Variants in RAB44 observed in about 807,000 individuals in gnomAD.
The protein encoded by RAB44 is RAB44, member RAS oncogene family, also known as ras-related protein Rab-44.
A neutral mutation model predicts 93.3 loss-of-function variants in RAB44; 67 were observed. The observed-to-expected ratio is 0.72, with a 90% confidence interval of 0.59 to 0.88. The LOEUF is 0.88. Ranked by LOEUF, RAB44 falls within the 40% of genes least tolerant of loss-of-function variation. RAB44 has a pLI of 0.00. For missense variants in RAB44, 1,064 were observed against 1,261.7 expected (o/e 0.84, Z 2.37); for synonymous variants, 427 against 520.3 (o/e 0.82, Z 2.44).
Position 36,722,334 on chromosome 6 carries a change from C to A in RAB44, c.2200C>A (p.Pro734Thr), listed in dbSNP as rs537050099. The A allele has an allele frequency of 3.0e-6, 4 of 1,343,446 alleles. No homozygotes were observed. Among genetic ancestry groups the A allele is most frequent in the South Asian group, 2.2e-5 (1 of 44,574 alleles). The allele number at this position is 1,343,446 out of a possible 1,614,324, so 83.2% of individuals were successfully genotyped here. ...TPQAQVEAEG[P>T]TPGKSAPPRG... ...ACAGGCTCAGGTGGAAGCAGAAGGC[C>A]CCACTCCTGGAAAATCGGCACCTCC... The change falls in exon 9 of 14, where the codon CCC becomes ACC. Residue 734 changes from proline (P) to threonine (T), a missense_variant. Coordinates refer to ENST00000612677, the MANE Select transcript of RAB44 (RefSeq NM_001257357.2).
chr6:36,704,949 G>A (rs908800948), intron 2 of RAB44, among the ~76,000 whole-genome samples: 7 of 151,838 alleles, frequency 4.6e-5, no homozygotes, highest in African/African-American at 1.5e-4. Context: ...GTGAAACCCC[G>A]TCTCTACTAA....
At chr6:36,708,223 A>G (rs1762696323) in intron 2 of RAB44, among the ~76,000 whole-genome samples, 2 of 152,216 alleles carry the variant, frequency 1.3e-5, no homozygotes, top group South Asian at 2.1e-4. Context: ...AGAAAGAAAA[A>G]AAAAAAAGAA....
intron 2 of RAB44, among the ~76,000 whole-genome samples, chr6:36,706,865 T>TACAG (rs113527674): frequency 0.086 from 13,118 of 152,048 alleles, 1,558 homozygotes; most frequent in African/African-American, 0.27. Flanking sequence ...TAGCTGGGAC[T>TACAG]ACAGGCCTGC....
At chr6:36,700,323 T>A (rs992288749) in intron 1 of RAB44, among the ~76,000 whole-genome samples, 1 of 152,214 alleles carries the variant, frequency 6.6e-6, no homozygotes, top group Non-Finnish European at 1.5e-5. Context: ...CTGTCTGACT[T>A]CACAGCAATG....
At chr6:36,702,952 G>A (rs532472138) in intron 1 of RAB44, among the ~76,000 whole-genome samples, 66 of 152,332 alleles carry the variant, frequency 4.3e-4, no homozygotes, top group Non-Finnish European at 8.1e-4. Flanking sequence ...GGAGCAGTAT[G>A]GACCTAGATA....
rs76705344 is a variant in RAB44, at chr6:36,715,360, G to A, written c.320-119G>A. On this transcript the variant is annotated intron_variant, in intron 3 of 13. Coordinates refer to ENST00000612677, the MANE Select transcript of RAB44 (RefSeq NM_001257357.2). ...GAGAAATATGTGAATGTAGCCTTGT[G>A]TAAATGTGACTGGCACAGGTAGAAT... 7,552 of 881,222 alleles carry A rather than the reference G, an allele frequency of 8.6e-3. 289 individuals are homozygous for A. The African/African-American group carries it at 0.095, about 11-fold the overall frequency. 54.6% of individuals were successfully genotyped at this position (881,222 alleles called of 1,614,324 possible).
intron 3 of RAB44, among the ~76,000 whole-genome samples, chr6:36,714,324 G>T (rs536234825): frequency 2.0e-5 from 3 of 152,158 alleles, no homozygotes; most frequent in African/African-American, 7.2e-5. Flanking sequence ...ACTGGGCAGG[G>T]CTGCCCCAGC....
chr6:36,701,013 C>A (rs1269461466), intron 1 of RAB44, among the ~76,000 whole-genome samples: 1 of 152,184 alleles, frequency 6.6e-6, no homozygotes, highest in South Asian at 2.1e-4. Context: ...TGAGAGATAC[C>A]GCGTGAAGGC....
chr6:36,702,339 A>AGAGAGAGAGAG (rs1554187154), intron 1 of RAB44, among the ~76,000 whole-genome samples: 8 of 32,082 alleles, frequency 2.5e-4, no homozygotes, highest in African/African-American at 9.0e-4. Flanking sequence ...AGAGAGAGAG[A>AGAGAGAGAGAG]ATGTACTTCT....
intron 9 of RAB44, 50 bp downstream of exon 9, chr6:36,722,783 A>G: frequency 1.9e-6 from 3 of 1,544,880 alleles, no homozygotes; most frequent in South Asian, 1.2e-5. Flanking sequence ...CGCAGGGGCC[A>G]GGGCCAACGA....
Position 36,721,253 on chromosome 6 carries a change from A to C in RAB44, c.1119A>C (p.Leu373=), listed in dbSNP as rs236478. ...LFGDNDDWDQ[L]LSNFGSPPHG... is the part of the protein sequence containing the mutation. Reference sequence around the variant, plus strand: ...GGGACAACGATGACTGGGACCAGCTACTGAGCAACTTTGGCAGCCCTCCGC... The same window carrying C: ...GGGACAACGATGACTGGGACCAGCTCCTGAGCAACTTTGGCAGCCCTCCGC... Residue 373 remains leucine, a synonymous_variant, in exon 9 of 14, where the codon CTA becomes CTC. Transcript: ENST00000612677. 971,901 of 1,234,230 alleles carry C rather than the reference A, an allele frequency of 0.79. 383,500 individuals carry two copies. The highest frequency in any genetic ancestry group is 0.8 in the Non-Finnish European group (788,307 of 988,242). 76.5% of individuals were successfully genotyped at this position (1,234,230 alleles called of 1,614,324 possible). A position where few individuals can be genotyped will look rare whatever the true frequency, so the allele number is the denominator to read the frequency against.
Position 36,727,691 on chromosome 6 carries a change from G to A in RAB44, c.2796G>A (p.Gln932=). 6.5e-7 allele frequency: 1 copy of A among 1,547,916 alleles called. No individual in the cohort carries two copies. Among genetic ancestry groups the A allele is most frequent in the Non-Finnish European group, 8.7e-7 (1 of 1,144,574 alleles). ...AHVRYWLDCL[Q]DAGSDGVVIL... ...TGCGCTACTGGCTAGACTGTCTCCA[G>A]GTGAGCAGATGGCTGCTGGGGTTGG... The change falls in exon 11 of 14, where the codon CAG becomes CAA. Residue 932 remains glutamine (Q), a splice_region_variant and synonymous_variant. Coordinates refer to ENST00000612677, the MANE Select transcript of RAB44 (RefSeq NM_001257357.2).
At chr6:36,729,728 C>T (rs1348706280) in intron 12 of RAB44, among the ~76,000 whole-genome samples, 2 of 152,168 alleles carry the variant, frequency 1.3e-5, no homozygotes, top group Non-Finnish European at 2.9e-5. Context: ...AGGGATCTGC[C>T]TACCTCGGGC....
intron 2 of RAB44, among the ~76,000 whole-genome samples, chr6:36,706,643 T>C (rs1403996267): frequency 1.3e-5 from 2 of 152,222 alleles, no homozygotes; most frequent in East Asian, 3.8e-4. Flanking sequence ...TATCCAATTA[T>C]ATCTTGATAA....
chr6:36,710,404 T>C (rs1158067497), intron 2 of RAB44, among the ~76,000 whole-genome samples: 1 of 152,220 alleles, frequency 6.6e-6, no homozygotes, highest in Non-Finnish European at 1.5e-5. Flanking sequence ...CAAATGATAT[T>C]CCGTTGTACA....
intron 9 of RAB44, 59 bp from the exon 10 acceptor site, chr6:36,725,803 C>G: frequency 7.9e-7 from 1 of 1,257,984 alleles, no homozygotes; most frequent in Non-Finnish European, 1.1e-6. Context: ...TGGGGTAGGC[C>G]TTGGCTAGGA....
At position 36,721,567 on chromosome 6, in the gene RAB44, G is replaced by A. The variant is rs762824029; in HGVS notation, c.1433G>A (p.Gly478Asp). Residue 478 changes from glycine to aspartate, a missense_variant, in exon 9 of 14, where the codon GGC becomes GAC. Coordinates refer to ENST00000612677, the MANE Select transcript of RAB44 (RefSeq NM_001257357.2). ...CAGGAGCCAGGGTCCACACCCGAGG[G>A]CCGCCTCCTCTGGGGTCTCTCAGGA... is the stretch of plus-strand genomic sequence containing the variant. The part of the protein sequence containing the change: ...PNQEPGSTPE[G>D]RLLWGLSGSL... 251 of 1,234,404 alleles carry A rather than the reference G, an allele frequency of 2.0e-4. No homozygotes were observed. The highest frequency in any genetic ancestry group is 2.4e-4 in the Non-Finnish European group (238 of 988,346). The allele number at this position is 1,234,404 out of a possible 1,614,324, so 76.5% of individuals were successfully genotyped here.
intron 2 of RAB44, 147 bp from the exon 3 acceptor site, chr6:36,713,681 A>C: frequency 1.6e-6 from 1 of 631,478 alleles, no homozygotes; most frequent in Non-Finnish European, 2.9e-6. Context: ...GGGAATGTCA[A>C]GCTTAGGCCC....
chr6:36,722,855 G>C lies in RAB44; in HGVS notation c.2599+122G>C. ...GCTGCAGGTTCTGCCCTGGCCACGGGCCCTGCATTAGACATTGTTTTATAT... is the reference window on the plus strand; with the variant it reads ...GCTGCAGGTTCTGCCCTGGCCACGGCCCCTGCATTAGACATTGTTTTATAT... On this transcript the variant is annotated intron_variant, in intron 9 of 13. Coordinates refer to ENST00000612677, the MANE Select transcript of RAB44 (RefSeq NM_001257357.2). 6 of 1,126,266 alleles carry C rather than the reference G, an allele frequency of 5.3e-6. No individual in the cohort carries two copies. The South Asian group carries it at 9.3e-5, about 17-fold the overall frequency. The allele number at this position is 1,126,266 out of a possible 1,614,324, so 69.8% of individuals were successfully genotyped here. A position where few individuals can be genotyped will look rare whatever the true frequency, so the allele number is the denominator to read the frequency against.
Sources: gnomAD v4.1 joint callset for allele counts (sites outside exome capture counted in the v4.1 genomes callset) on GRCh38, gnomAD v4.1.1 for gene constraint, MANE v1.5 for transcripts, NCBI Gene and HGNC (gene_info 2026-07-23, HGNC 2026-07-21) for gene names.